The following LHCGR variants were observed in gnomAD, a reference collection of about 807,000 sequenced individuals.
LHCGR encodes lutropin-choriogonadotropic hormone receptor.
LHCGR carries 55 observed loss-of-function variants against 60.7 expected under a neutral mutation model. The observed-to-expected ratio is 0.91, with a 90% CI of 0.73 to 1.13. The LOEUF is 1.13. Ranked by LOEUF, LHCGR falls within the 50% of genes most tolerant of loss-of-function variation. LHCGR has a pLI of 0.00. For missense variants in LHCGR, 862 were observed against 836.0 expected, an observed-to-expected ratio of 1.03 and a Z score of -0.38; for synonymous variants, 337 against 316.5, an observed-to-expected ratio of 1.06 and a Z score of -0.69.
intron 7 of LHCGR, among the ~76,000 whole-genome samples, chr2:48,710,684 T>G (rs17398267): frequency 0.23 from 34,639 of 152,050 alleles, 4,199 homozygotes; most frequent in South Asian, 0.33. Flanking sequence ...GGGAACAGTA[T>G]GGACTGACTC....
At chr2:48,709,097 T>G in intron 7 of LHCGR, 75 bp from the exon 8 acceptor site, 1 of 1,140,948 alleles carries the variant, frequency 8.8e-7, no homozygotes, top group South Asian at 1.2e-5. Context: ...ATACACATGT[T>G]TAGACCAAGC....
At chr2:48,737,884 G>C (rs953779423) in intron 1 of LHCGR, among the ~76,000 whole-genome samples, 2 of 152,188 alleles carry the variant, frequency 1.3e-5, no homozygotes, top group Non-Finnish European at 2.9e-5. Context: ...TACAGAGAAA[G>C]AATCTTAGGA....
In LHCGR at chr2:48,723,545, A is replaced by G. The variant is rs1041840428; in HGVS notation, c.459-12T>C. 4 of 1,609,548 alleles carry G rather than the reference A, an allele frequency of 2.5e-6. No homozygotes were observed. In the Admixed American group the frequency reaches 5.0e-5, roughly 20 times the overall value. On this transcript the variant is annotated splice_polypyrimidine_tract_variant and intron_variant, in intron 5 of 10. Coordinates refer to ENST00000294954, the MANE Select transcript of LHCGR (RefSeq NM_000233.4). ...TATCACAAATTTCCCTTGAGGAAAG[A>G]AATGAGAAATATTTACTTTCTAAAT...
chr2:48,704,441 T>C (rs1667563697), intron 8 of LHCGR, among the ~76,000 whole-genome samples: 1 of 152,214 alleles, frequency 6.6e-6, no homozygotes, highest in Non-Finnish European at 1.5e-5. Flanking sequence ...TTTCTATTGA[T>C]TGGAATAGTT....
intron 4 of LHCGR, among the ~76,000 whole-genome samples, chr2:48,724,172 T>C (rs539648010): frequency 6.6e-6 from 1 of 152,358 alleles, no homozygotes; most frequent in Non-Finnish European, 1.5e-5. Flanking sequence ...AATCTTCCCT[T>C]ATTTAGCTAT....
At chr2:48,731,577 A>G (rs549812556) in intron 1 of LHCGR, among the ~76,000 whole-genome samples, 1 of 152,292 alleles carries the variant, frequency 6.6e-6, no homozygotes, top group African/African-American at 2.4e-5. Context: ...CTACTTGGCT[A>G]TGTGATTCTA....
chr2:48,703,780 A>T lies in LHCGR; in HGVS notation c.681-4980T>A, dbSNP rs1490056873. On this transcript the variant is annotated intron_variant, in intron 8 of 10. Transcript: ENST00000294954. Reference sequence around the variant, plus strand: ...TGAAGTTGCTTATCAGCTTAAGGAGATTTTGGGCGGAGACGATAGGGTTTT... The same window carrying T: ...TGAAGTTGCTTATCAGCTTAAGGAGTTTTTGGGCGGAGACGATAGGGTTTT... Among the ~76,000 whole-genome samples the T allele has an allele frequency of 2.6e-5, 4 of 152,080 alleles. No homozygotes were observed. The South Asian group carries it at 8.3e-4, about 32-fold the overall frequency.
chr2:48,723,706 G>C lies in LHCGR; in HGVS notation c.384-10C>G. ...TGTGTTACAGATGCTCCTGTGATTAGGGACAGGATAGTGGTGTGGGCAGAG... is the reference window on the plus strand; with the variant it reads ...TGTGTTACAGATGCTCCTGTGATTACGGACAGGATAGTGGTGTGGGCAGAG... On this transcript the variant is annotated splice_polypyrimidine_tract_variant and intron_variant, in intron 4 of 10. Transcript: ENST00000294954. The C allele has an allele frequency of 6.3e-7, 1 of 1,599,592 alleles. No homozygotes were observed. Among genetic ancestry groups the C allele is most frequent in the Non-Finnish European group, 8.6e-7 (1 of 1,166,826 alleles).
chr2:48,705,098 C>G (rs1667598765), intron 8 of LHCGR, among the ~76,000 whole-genome samples: 1 of 152,110 alleles, frequency 6.6e-6, no homozygotes, highest in African/African-American at 2.4e-5. Context: ...TGTCTTTGTT[C>G]TCATTGGTTT....
At chr2:48,689,082 T>C (rs1162470171) in intron 10 of LHCGR, among the ~76,000 whole-genome samples, 1 of 151,698 alleles carries the variant, frequency 6.6e-6, no homozygotes, top group Admixed American at 6.6e-5. Context: ...CACACATATA[T>C]ACACACATAT....
chr2:48,736,332 A>G (rs1403994041), intron 1 of LHCGR, among the ~76,000 whole-genome samples: 1 of 152,166 alleles, frequency 6.6e-6, no homozygotes, highest in Non-Finnish European at 1.5e-5. Context: ...GGACCATCCT[A>G]TCTTTAGACC....
At position 48,726,454 on chromosome 2, in the gene LHCGR, A is replaced by G. The variant is rs150095136; in HGVS notation, c.309-704T>C. Among the ~76,000 whole-genome samples the G allele has an allele frequency of 9.0e-3, 1,366 of 152,306 alleles. 20 individuals carry two copies. The highest frequency in any genetic ancestry group is 0.031 in the African/African-American group (1,273 of 41,564). ...ATGAGGCAGGGTTTGGCAAAGTATA[A>G]AAGTACAGCCATACACCACTGTGAT... is the stretch of plus-strand genomic sequence containing the variant. On this transcript the variant is annotated intron_variant, in intron 3 of 10. Transcript: ENST00000294954.
intron 4 of LHCGR, 88 bp downstream of exon 4, chr2:48,725,588 C>T: frequency 1.0e-6 from 1 of 961,074 alleles, no homozygotes; most frequent in Non-Finnish European, 1.7e-6. Context: ...TATGGTTAAA[C>T]AAAATCTTTC....
In LHCGR at chr2:48,755,555, G is replaced by A. The variant is rs1472140371; in HGVS notation, c.117C>T (p.Asp39=). The change falls in exon 1 of 11, where the codon GAC becomes GAT. Residue 39 remains aspartate (D), a synonymous_variant. Coordinates refer to ENST00000294954, the MANE Select transcript of LHCGR (RefSeq NM_000233.4). ...LCPEPCNCVP[D]GALRCPGPTA... ...TGGGGCCGGGGCAGCGCAGGGCGCCGTCGGGCACGCAGTTGCAGGGCTCAG... is the reference window on the plus strand; with the variant it reads ...TGGGGCCGGGGCAGCGCAGGGCGCCATCGGGCACGCAGTTGCAGGGCTCAG... The A allele has an allele frequency of 6.5e-7, 1 of 1,541,058 alleles. No homozygotes were observed. The highest frequency in any genetic ancestry group is 8.7e-7 in the Non-Finnish European group (1 of 1,145,012).
At chr2:48,717,542 C>CTTA (rs34793365) in intron 6 of LHCGR, among the ~76,000 whole-genome samples, 25,858 of 150,988 alleles carry the variant, frequency 0.17, 2,306 homozygotes, top group South Asian at 0.27. Context: ...ATGTGTTGAT[C>CTTA]TTATTATTAT....
intron 10 of LHCGR, among the ~76,000 whole-genome samples, chr2:48,691,027 A>G (rs1220700972): frequency 6.6e-6 from 1 of 152,266 alleles, no homozygotes; most frequent in Non-Finnish European, 1.5e-5. Flanking sequence ...TGTAGGCTCA[A>G]CAAACATTTT....
chr2:48,745,068 T>G (rs1669636656), intron 1 of LHCGR, among the ~76,000 whole-genome samples: 1 of 152,108 alleles, frequency 6.6e-6, no homozygotes, highest in African/African-American at 2.4e-5. Flanking sequence ...AAGAAGACAT[T>G]TATGCAGCCA....
intron 9 of LHCGR, among the ~76,000 whole-genome samples, chr2:48,695,359 T>G (rs1391812754): frequency 6.6e-6 from 1 of 152,150 alleles, no homozygotes; most frequent in Non-Finnish European, 1.5e-5. Context: ...TAGCTAAAAA[T>G]TCTTTGCCAA....
intron 6 of LHCGR, among the ~76,000 whole-genome samples, chr2:48,715,825 A>T (rs1668222175): frequency 6.6e-6 from 1 of 152,222 alleles, no homozygotes; most frequent in Non-Finnish European, 1.5e-5. Context: ...AGAGATTACA[A>T]AATAATTCTT....
Sources: gnomAD v4.1 joint callset for allele counts (sites outside exome capture counted in the v4.1 genomes callset) on GRCh38, gnomAD v4.1.1 for gene constraint, MANE v1.5 for transcripts, NCBI Gene and HGNC (gene_info 2026-07-23, HGNC 2026-07-21) for gene names.